VPS18: variants seen among roughly 807,000 people sequenced by gnomAD.
VPS18 encodes VPS18 core subunit of CORVET and HOPS complexes, also known as vacuolar protein sorting-associated protein 18 homolog.
A neutral mutation model predicts 82.0 loss-of-function variants in VPS18; 25 were observed. That is an observed-to-expected ratio of 0.30 (90% CI 0.22 to 0.43). The LOEUF is 0.43. VPS18 is among the 20% of genes least tolerant of loss of function. The pLI, the probability that VPS18 is intolerant of heterozygous loss-of-function variation, is 1.00. For synonymous variants in VPS18, 523 were observed against 543.0 expected (o/e 0.96, Z 0.51); for missense variants, 1,168 against 1,311.1 (o/e 0.89, Z 1.69).
Position 40,897,769 on chromosome 15 carries a change from C to A in VPS18, c.234-1138C>A, listed in dbSNP as rs76388690. ...ACTATGAGCTACTCTTTGTTGTTCC[C>A]TTCTTACCTCAGCAATCTGGGATAT... On this transcript the variant is annotated intron_variant, in intron 2 of 4. Coordinates refer to ENST00000220509, the MANE Select transcript of VPS18 (RefSeq NM_020857.3). 3.2e-3 allele frequency among the ~76,000 whole-genome samples: 485 copies of A among 152,228 alleles called. 19 individuals carry two copies. The East Asian group carries it at 0.05, about 16-fold the overall frequency.
At position 40,900,199 on chromosome 15, in the gene VPS18, C is replaced by G. The variant is rs1324644383; in HGVS notation, c.1381C>G (p.Leu461Val). 2 of 1,613,864 alleles carry G rather than the reference C, an allele frequency of 1.2e-6. No individual in the cohort carries two copies. The highest frequency in any genetic ancestry group is 2.2e-5 in the East Asian group (1 of 44,884). ...SYFEEIALKF[L>V]EARQEEALAE... ...CTTTGAGGAGATTGCCCTCAAGTTC[C>G]TGGAGGCCCGACAGGAGGAGGCTCT... Residue 461 changes from leucine to valine, a missense_variant, in exon 4 of 5, where the codon CTG becomes GTG. Coordinates refer to ENST00000220509, the MANE Select transcript of VPS18 (RefSeq NM_020857.3). The surrounding 1 kb of genome is among the most constrained non-coding windows in gnomAD (Gnocchi z 5.4).
chr15:40,897,174 A>T (rs1892243796), intron 2 of VPS18, among the ~76,000 whole-genome samples: 1 of 152,098 alleles, frequency 6.6e-6, no homozygotes, highest in Non-Finnish European at 1.5e-5. Context: ...AGGTGCCTGT[A>T]ATCCCAGCTA....
At position 40,903,529 on chromosome 15, in the gene VPS18, T is replaced by A; in HGVS notation, c.*188T>A. ...AGTGTATTCTGCCAGCTTTTCATGC[T>A]GTTCTTCAGAGCTGCAGTTATGCCA... On this transcript the variant is annotated 3_prime_UTR_variant, in exon 5 of 5. Coordinates refer to ENST00000220509, the MANE Select transcript of VPS18 (RefSeq NM_020857.3). 1 of 762,808 alleles carries A rather than the reference T, an allele frequency of 1.3e-6. No homozygotes were observed. Among genetic ancestry groups the A allele is most frequent in the Non-Finnish European group, 1.9e-6 (1 of 524,298 alleles). 47.3% of individuals were successfully genotyped at this position (762,808 alleles called of 1,614,324 possible).
chr15:40,898,232 G>A (rs1157768469), intron 2 of VPS18, among the ~76,000 whole-genome samples: 4 of 151,750 alleles, frequency 2.6e-5, no homozygotes, highest in Admixed American at 2.6e-4. Flanking sequence ...GGGATTACAG[G>A]CGTGAGCCAC....
chr15:40,899,990 T>C lies in VPS18; in HGVS notation c.1172T>C (p.Val391Ala), dbSNP rs1330334122. Residue 391 changes from valine (V) to alanine (A), a missense_variant, in exon 4 of 5, where the codon GTG becomes GCG. Physicochemically the swap from Val to Ala is moderately conservative, Grantham distance 64. Around this residue, in one of 3 missense-constraint regions of VPS18, gnomAD observed 868 missense variants for 939.8 expected, o/e 0.92. Transcript: ENST00000220509. This position sits in a 1 kb window ranked among gnomAD's most constrained non-coding sequence, Gnocchi z 4.4. ...YTERAVFRYH[V>A]QREARDVWRT... is the part of the protein sequence containing the mutation. ...GAGCGGGCTGTCTTCCGCTACCACG[T>C]GCAACGGGAGGCCCGAGATGTCTGG... 3 of 1,614,046 alleles carry C rather than the reference T, an allele frequency of 1.9e-6. No homozygotes were observed. The highest frequency in any genetic ancestry group is 2.5e-6 in the Non-Finnish European group (3 of 1,180,028).
chr15:40,894,778 A>C lies in VPS18; in HGVS notation c.10A>C (p.Ile4Leu). MASILDEYENSLSR... is the reference protein window; with the variant it reads MASLLDEYENSLSR... The stretch of plus-strand genomic sequence containing the variant: ...CCAGAGGCCGGGCACCATGGCGTCC[A>C]TCCTGGATGAGTACGAGAACTCGCT... Residue 4 changes from isoleucine to leucine, a missense_variant, in exon 1 of 5, where the codon ATC becomes CTC. This residue lies in a region of VPS18 where 868 missense variants were observed against 939.8 expected (regional missense o/e 0.92). Transcript: ENST00000220509. The C allele has an allele frequency of 6.4e-7, 1 of 1,551,112 alleles. No individual in the cohort carries two copies. The highest frequency in any genetic ancestry group is 8.7e-7 in the Non-Finnish European group (1 of 1,147,032).
Position 40,899,553 on chromosome 15 carries a change from A to G in VPS18, c.735A>G (p.Ser245=). The part of the protein sequence containing the change: ...AAEGAEAQGF[S]GLFAAYTDHP... The stretch of plus-strand genomic sequence containing the variant: ...AGGGGGCTGAGGCCCAGGGTTTCTC[A>G]GGGCTCTTTGCAGCTTACACGGACC... Residue 245 remains serine (S), a synonymous_variant, in exon 4 of 5, where the codon TCA becomes TCG. Transcript: ENST00000220509. This position sits in a 1 kb window ranked among gnomAD's most constrained non-coding sequence, Gnocchi z 4.4. 6.2e-7 allele frequency: 1 copy of G among 1,608,774 alleles called. No individual in the cohort carries two copies. Among genetic ancestry groups the G allele is most frequent in the East Asian group, 2.2e-5 (1 of 44,880 alleles).
At position 40,903,474 on chromosome 15, in the gene VPS18, AGC is replaced by A. The variant is rs1212361189; in HGVS notation, c.*136_*137del. On this transcript the variant is annotated 3_prime_UTR_variant, in exon 5 of 5. Transcript: ENST00000220509. ...GTGACCACGTTGACGGGAGTAGAGT[AGC>A]GCTGTTGGCCAGGAGGTGTCAGGTG... 7.7e-7 allele frequency: 1 copy of A among 1,300,702 alleles called. No homozygotes were observed. The highest frequency in any genetic ancestry group is 1.0e-6 in the Non-Finnish European group (1 of 983,322). The allele number at this position is 1,300,702 out of a possible 1,614,324, so 80.6% of individuals were successfully genotyped here. A position where few individuals can be genotyped will look rare whatever the true frequency, so the allele number is the denominator to read the frequency against.
In VPS18 at chr15:40,896,009, G is replaced by A; in HGVS notation, c.163G>A (p.Glu55Lys). The A allele has an allele frequency of 5.0e-6, 8 of 1,614,144 alleles. No individual in the cohort carries two copies. Among genetic ancestry groups the A allele is most frequent in the Non-Finnish European group, 6.8e-6 (8 of 1,180,038 alleles). ...TKQRIDFTPS[E>K]RITSLVVSSN... ...GCAGCGCATTGACTTCACCCCTTCC[G>A]AGCGCATTACCAGTCTTGTCGTCTC... The change falls in exon 2 of 5, where the codon GAG becomes AAG. Residue 55 changes from glutamate (E) to lysine (K), a missense_variant. Physicochemically the swap from Glu to Lys is moderately conservative, Grantham distance 56 (BLOSUM62 1). Transcript: ENST00000220509.
In VPS18 at chr15:40,894,542, G is replaced by A; in HGVS notation, c.-227G>A. 2.1e-6 allele frequency: 1 copy of A among 473,076 alleles called. No individual in the cohort carries two copies. Among genetic ancestry groups the A allele is most frequent in the East Asian group, 3.5e-5 (1 of 28,246 alleles). The allele number at this position is 473,076 out of a possible 1,614,324, so 29.3% of individuals were successfully genotyped here. A position where few individuals can be genotyped will look rare whatever the true frequency, so the allele number is the denominator to read the frequency against. ...TTGTAGCGGGGGCGGGGAGTAAGGTGCAAGACTGCGCCAGATTCAAGGACG... is the reference window on the plus strand; with the variant it reads ...TTGTAGCGGGGGCGGGGAGTAAGGTACAAGACTGCGCCAGATTCAAGGACG... On this transcript the variant is annotated 5_prime_UTR_variant, in exon 1 of 5. Coordinates refer to ENST00000220509, the MANE Select transcript of VPS18 (RefSeq NM_020857.3).
rs1892411423 is a variant in VPS18 at position 40,903,917 on chromosome 15, T to TGTGGAGGATGGTCGGTGGTGGTG, written c.*577_*599dup. ...AAGGGTGCCCTGGGGCTGAGGGCCT[T>TGTGGAGGATGGTCGGTGGTGGTG]GTGGAGGATGGTCGGTGGTGGTGAT... On this transcript the variant is annotated 3_prime_UTR_variant, in exon 5 of 5. Transcript: ENST00000220509. The TGTGGAGGATGGTCGGTGGTGGTG allele has an allele frequency of 1.6e-4, 24 of 153,476 alleles. No homozygotes were observed. The South Asian group carries it at 4.9e-3, about 31-fold the overall frequency. The allele number at this position is 153,476 out of a possible 1,614,324, so 9.5% of individuals were successfully genotyped here. A position where few individuals can be genotyped will look rare whatever the true frequency, so the allele number is the denominator to read the frequency against.
chr15:40,900,013 T>C lies in VPS18; in HGVS notation c.1195T>C (p.Trp399Arg). 1 of 1,614,060 alleles carries C rather than the reference T, an allele frequency of 6.2e-7. No homozygotes were observed. The highest frequency in any genetic ancestry group is 8.5e-7 in the Non-Finnish European group (1 of 1,180,030). The change falls in exon 4 of 5, where the codon TGG (tryptophan) becomes CGG (arginine). Residue 399 changes from tryptophan to arginine, a missense_variant. Transcript: ENST00000220509. The surrounding 1 kb of genome is among the most constrained non-coding windows in gnomAD (Gnocchi z 5.4). ...YHVQREARDV[W>R]RTYLDMNRFD... is the part of the protein sequence containing the mutation. Reference sequence around the variant, plus strand: ...CGTGCAACGGGAGGCCCGAGATGTCTGGCGCACCTATCTGGACATGAACCG... The same window carrying C: ...CGTGCAACGGGAGGCCCGAGATGTCCGGCGCACCTATCTGGACATGAACCG...
chr15:40,900,638 C>T lies in VPS18; in HGVS notation c.1820C>T (p.Pro607Leu). Residue 607 changes from proline (P) to leucine (L), a missense_variant, in exon 4 of 5, where the codon CCC (proline) becomes CTC (leucine). By Grantham distance (98) the Pro-to-Leu change is moderately conservative (BLOSUM62 -3). Around this residue, in one of 3 missense-constraint regions of VPS18, gnomAD observed 868 missense variants for 939.8 expected, o/e 0.92. Coordinates refer to ENST00000220509, the MANE Select transcript of VPS18 (RefSeq NM_020857.3). This position sits in a 1 kb window ranked among gnomAD's most constrained non-coding sequence, Gnocchi z 5.4. ...KFSPILIRHIPRQLVDAWIEM... is the reference protein window; with the variant it reads ...KFSPILIRHILRQLVDAWIEM... ...TCACCCATCCTCATCCGTCACATCC[C>T]CCGCCAGCTTGTAGATGCCTGGATT... The T allele has an allele frequency of 6.2e-7, 1 of 1,614,174 alleles. No homozygotes were observed. Among genetic ancestry groups the T allele is most frequent in the Admixed American group, 1.7e-5 (1 of 60,026 alleles).
chr15:40,895,048 A>AG (rs1282319241), intron 1 of VPS18, among the ~76,000 whole-genome samples, 189 bp downstream of exon 1: 1 of 152,182 alleles, frequency 6.6e-6, no homozygotes, highest in Non-Finnish European at 1.5e-5. Context: ...GAGCAACGGG[A>AG]GCTGCCGCGT....
At position 40,899,133 on chromosome 15, in the gene VPS18, C is replaced by T; in HGVS notation, c.326-11C>T. ...AGCATCCACTGGGGCGCCATGCTCT[C>T]CCCACTCCAGGCTCTCACCTGCTGA... On this transcript the variant is annotated splice_polypyrimidine_tract_variant and intron_variant, in intron 3 of 4. Transcript: ENST00000220509. The surrounding 1 kb of genome is among the most constrained non-coding windows in gnomAD (Gnocchi z 4.4). 1 of 1,609,256 alleles carries T rather than the reference C, an allele frequency of 6.2e-7. No individual in the cohort carries two copies.
At position 40,894,708 on chromosome 15, in the gene VPS18, C is replaced by CG. The variant is rs3215043; in HGVS notation, c.-54dup. 6.4e-5 allele frequency: 95 copies of CG among 1,479,808 alleles called. 1 individual carries two copies. Among genetic ancestry groups the CG allele is most frequent in the African/African-American group, 1.0e-4 (7 of 70,182 alleles). The allele number at this position is 1,479,808 out of a possible 1,614,324, so 91.7% of individuals were successfully genotyped here. On this transcript the variant is annotated 5_prime_UTR_variant, in exon 1 of 5. Transcript: ENST00000220509. ...TTCCATTCTGGGGCGACGGGGACCC[C>CG]GGGGGGGTAGCCCTTTTGTAATCCC...
chr15:40,903,591 T>A lies in VPS18; in HGVS notation c.*250T>A, dbSNP rs1892403776. On this transcript the variant is annotated 3_prime_UTR_variant, in exon 5 of 5. Transcript: ENST00000220509. Reference sequence around the variant, plus strand: ...TGCCTCCCAGTAGAGGCCCTTCACCTGGAGAAGTCAGAAATCTGACCCAAT... The same window carrying A: ...TGCCTCCCAGTAGAGGCCCTTCACCAGGAGAAGTCAGAAATCTGACCCAAT... 2.3e-6 allele frequency: 1 copy of A among 433,036 alleles called. No homozygotes were observed. The highest frequency in any genetic ancestry group is 3.9e-6 in the Non-Finnish European group (1 of 255,598). The allele number at this position is 433,036 out of a possible 1,614,324, so 26.8% of individuals were successfully genotyped here.
chr15:40,897,163 C>T (rs1332824298), intron 2 of VPS18, among the ~76,000 whole-genome samples: 1 of 151,932 alleles, frequency 6.6e-6, no homozygotes, highest in Non-Finnish European at 1.5e-5. Flanking sequence ...GGTGTGGTGG[C>T]AGGTGCCTGT....
Position 40,903,432 on chromosome 15 carries a change from C to A in VPS18, c.*91C>A, listed in dbSNP as rs1251573147. 2.0e-6 allele frequency: 3 copies of A among 1,478,814 alleles called. No homozygotes were observed. The African/African-American group carries it at 4.2e-5, about 21-fold the overall frequency. 91.6% of individuals were successfully genotyped at this position (1,478,814 alleles called of 1,614,324 possible). A position where few individuals can be genotyped will look rare whatever the true frequency, so the allele number is the denominator to read the frequency against. ...TGCCTCCTAGGCTCTGCTCAGTCAT[C>A]TTGCAATTGCCACACTGTGACCACG... On this transcript the variant is annotated 3_prime_UTR_variant, in exon 5 of 5. Coordinates refer to ENST00000220509, the MANE Select transcript of VPS18 (RefSeq NM_020857.3).
Sources: gnomAD v4.1 joint callset for allele counts (sites outside exome capture counted in the v4.1 genomes callset) on GRCh38, gnomAD v4.1.1 for gene constraint, gnomAD v4.1.1 regional missense constraint, Gnocchi (gnomAD v3.1) non-coding constraint, MANE v1.5 for transcripts, NCBI Gene and HGNC (gene_info 2026-07-23, HGNC 2026-07-21) for gene names.